CCSER1: variants seen among roughly 807,000 people sequenced by gnomAD.
CCSER1 encodes the protein coiled-coil serine rich protein 1.
In CCSER1, 41 loss-of-function variants were observed where a neutral mutation model predicts 82.0. The observed-to-expected ratio is 0.50, with a 90% CI of 0.39 to 0.65. CCSER1 has a LOEUF of 0.65. Among genes scored for constraint, CCSER1 ranks in the 30% least tolerant of loss-of-function variants. The pLI is 0.00. For synonymous variants in CCSER1, 414 were observed against 383.9 expected, an observed-to-expected ratio of 1.08 and a Z score of -0.92; for missense variants, 1,119 against 1,064.2, an observed-to-expected ratio of 1.05 and a Z score of -0.72.
At chr4:91,054,002 A>G (rs1581434001) in intron 9 of CCSER1, among the ~76,000 whole-genome samples, 1 of 152,202 alleles carries the variant, frequency 6.6e-6, no homozygotes, top group African/African-American at 2.4e-5. Flanking sequence ...ACATCTGTAT[A>G]CATTCATCCT....
intron 5 of CCSER1, among the ~76,000 whole-genome samples, chr4:90,598,283 A>G (rs913579633): frequency 1.9e-4 from 29 of 151,852 alleles, no homozygotes; most frequent in African/African-American, 2.4e-5. Flanking sequence ...TATTTTTTAA[A>G]TATACTTTAA....
chr4:90,276,295 C>G (rs1727745236), intron 1 of CCSER1, among the ~76,000 whole-genome samples: 1 of 124,522 alleles, frequency 8.0e-6, no homozygotes, highest in African/African-American at 3.3e-5. Flanking sequence ...TCCTTCCTTC[C>G]TTCCTTCCTT....
At chr4:90,539,085 A>C (rs143235561) in intron 5 of CCSER1, among the ~76,000 whole-genome samples, 71 of 152,214 alleles carry the variant, frequency 4.7e-4, no homozygotes, top group African/African-American at 1.6e-3. Flanking sequence ...TTTCATATCT[A>C]AATAATTTCA....
In CCSER1 at chr4:90,309,022, G is replaced by T. The variant is rs375348353; in HGVS notation, c.738G>T (p.Leu246Phe). ...CAGGAAGCTCTTTACAATCTCCTTT[G>T]CTTTCTGCTGATCTTACCACAGCTC... ...ERAGSSLQSP[L>F]LSADLTTAQT... Residue 246 changes from leucine (L) to phenylalanine (F), a missense_variant, in exon 2 of 11, where the codon TTG becomes TTT. Transcript: ENST00000509176. 5.6e-6 allele frequency: 9 copies of T among 1,613,786 alleles called. No individual in the cohort carries two copies. Among genetic ancestry groups the T allele is most frequent in the Non-Finnish European group, 7.6e-6 (9 of 1,179,852 alleles).
At chr4:90,163,225 G>A (rs534308181) in intron 1 of CCSER1, among the ~76,000 whole-genome samples, 1 of 152,008 alleles carries the variant, frequency 6.6e-6, no homozygotes, top group East Asian at 1.9e-4. Flanking sequence ...ATTGTTAAAG[G>A]CAGGTAAATA....
intron 9 of CCSER1, among the ~76,000 whole-genome samples, chr4:91,034,123 C>A (rs1335750475): frequency 6.6e-6 from 1 of 152,148 alleles, no homozygotes. Context: ...TTTAGGATCT[C>A]TTCCTGTAGT....
intron 1 of CCSER1, 44 bp from the exon 2 acceptor site, chr4:90,308,200 G>A: frequency 7.5e-7 from 1 of 1,338,278 alleles, no homozygotes; most frequent in Non-Finnish European, 9.9e-7. Context: ...ATTATTTGTA[G>A]TTGAATTCTA....
intron 3 of CCSER1, among the ~76,000 whole-genome samples, chr4:90,344,151 T>A (rs1426334720): frequency 1.3e-5 from 2 of 152,236 alleles, no homozygotes; most frequent in African/African-American, 4.8e-5. Context: ...TTTGTCTTTC[T>A]GTGCCTGGCT....
At chr4:90,310,967 G>A (rs1465682147) in intron 2 of CCSER1, among the ~76,000 whole-genome samples, 1 of 151,844 alleles carries the variant, frequency 6.6e-6, no homozygotes, top group Non-Finnish European at 1.5e-5. Context: ...AGTCATATAT[G>A]CCTAGCTCCT....
chr4:90,518,592 G>A (rs2153622513), intron 5 of CCSER1, among the ~76,000 whole-genome samples: 1 of 151,982 alleles, frequency 6.6e-6, no homozygotes, highest in East Asian at 1.9e-4. Context: ...CTTTCAGTTG[G>A]TAATAATACA....
At chr4:91,112,740 C>T (rs1726199612) in intron 10 of CCSER1, 1 of 152,122 alleles carries the variant, frequency 6.6e-6, no homozygotes, top group Non-Finnish European at 1.5e-5. Context: ...ATGATCATAA[C>T]TTCTTAATTG....
chr4:91,367,972 G>A (rs1475305736), intron 10 of CCSER1, among the ~76,000 whole-genome samples: 1 of 152,072 alleles, frequency 6.6e-6, no homozygotes, highest in Admixed American at 6.6e-5. Context: ...GGCTTGGATA[G>A]CATTTATTCT....
intron 5 of CCSER1, among the ~76,000 whole-genome samples, chr4:90,469,919 C>A (rs180842464): frequency 6.6e-6 from 1 of 152,238 alleles, no homozygotes; most frequent in African/African-American, 2.4e-5. Context: ...ATTAGTTGAG[C>A]ATCCTAAATC....
chr4:90,807,802 G>T (rs1757717711), intron 7 of CCSER1, among the ~76,000 whole-genome samples: 1 of 151,962 alleles, frequency 6.6e-6, no homozygotes, highest in Non-Finnish European at 1.5e-5. Context: ...TCAAAATTGT[G>T]AAAATGACCA....
chr4:91,281,323 C>A (rs997310081), intron 10 of CCSER1, among the ~76,000 whole-genome samples: 2 of 152,108 alleles, frequency 1.3e-5, no homozygotes, highest in Admixed American at 6.6e-5. Context: ...GTATCACATG[C>A]CTCTAGTCAG....
At chr4:91,356,240 C>T (rs1478378729) in intron 10 of CCSER1, among the ~76,000 whole-genome samples, 4 of 152,244 alleles carry the variant, frequency 2.6e-5, no homozygotes, top group Non-Finnish European at 5.9e-5. Context: ...CTCTTTCTGA[C>T]ACATAGAGTG....
At chr4:90,632,471 A>G (rs948520221) in intron 6 of CCSER1, among the ~76,000 whole-genome samples, 3 of 151,824 alleles carry the variant, frequency 2.0e-5, no homozygotes, top group Non-Finnish European at 4.4e-5. Flanking sequence ...GCTATTTTAT[A>G]ATATATAATA....
At chr4:90,731,481 G>A (rs1744733859) in intron 7 of CCSER1, among the ~76,000 whole-genome samples, 1 of 152,036 alleles carries the variant, frequency 6.6e-6, no homozygotes, top group Admixed American at 6.6e-5. Flanking sequence ...CATAATTTGT[G>A]GTGGATGCTG....
At chr4:91,569,566 C>A (rs77054915) in intron 10 of CCSER1, among the ~76,000 whole-genome samples, 16,572 of 152,122 alleles carry the variant, frequency 0.11, 976 homozygotes, top group South Asian at 0.21. Flanking sequence ...GCACCTCTTC[C>A]CAAAATGGCA....
Sources: gnomAD v4.1 joint callset for allele counts (sites outside exome capture counted in the v4.1 genomes callset) on GRCh38, gnomAD v4.1.1 for gene constraint, MANE v1.5 for transcripts, NCBI Gene and HGNC (gene_info 2026-07-23, HGNC 2026-07-21) for gene names.